Variants in FAM20C observed in about 807,000 individuals in gnomAD.
The protein encoded by FAM20C is FAM20C golgi associated secretory pathway kinase, also known as extracellular serine/threonine protein kinase FAM20C.
FAM20C carries 40 observed loss-of-function variants against 51.5 expected under a neutral mutation model. The observed-to-expected ratio is 0.78, with a 90% CI of 0.60 to 1.01. The LOEUF (loss-of-function observed/expected upper bound fraction) is 1.01, where lower values mean the gene tolerates loss of function less well. Ranked by LOEUF, FAM20C falls within the 50% of genes least tolerant of loss-of-function variation. The pLI, the probability that FAM20C is intolerant of heterozygous loss-of-function variation, is 0.00. For missense variants in FAM20C, 861 were observed against 844.7 expected (o/e 1.02, Z -0.24); for synonymous variants, 406 against 380.6 (o/e 1.07, Z -0.78).
chr7:204,923 G>A (rs1292257832), intron 2 of FAM20C, among the ~76,000 whole-genome samples: 1 of 152,150 alleles, frequency 6.6e-6, no homozygotes, highest in African/African-American at 2.4e-5. Flanking sequence ...TGCTCGGGGA[G>A]GGGACGTGGC....
chr7:193,728 C>T lies in FAM20C; in HGVS notation c.529C>T (p.Leu177Phe), dbSNP rs1361365942. Residue 177 changes from leucine (L) to phenylalanine (F), a missense_variant, in exon 1 of 10, where the codon CTC (leucine) becomes TTC (phenylalanine). Around this residue, in one of 3 missense-constraint regions of FAM20C, gnomAD observed 561 missense variants for 499.8 expected, o/e 1.12. Coordinates refer to ENST00000313766, the MANE Select transcript of FAM20C (RefSeq NM_020223.4). ...HPLYRVAVPP[L>F]TEEDVLFNVN... ...GCTTTACCGGGTGGCGGTTCCGCCG[C>T]TCACGGAGGAGGACGTCCTGTTCAA... 2.6e-6 allele frequency: 4 copies of T among 1,547,520 alleles called. No homozygotes were observed. Among genetic ancestry groups the T allele is most frequent in the East Asian group, 2.5e-5 (1 of 40,780 alleles).
At chr7:214,128 C>G (rs1408337436) in intron 3 of FAM20C, among the ~76,000 whole-genome samples, 1 of 152,124 alleles carries the variant, frequency 6.6e-6, no homozygotes, top group South Asian at 2.1e-4. Context: ...GAGTTCAAGA[C>G]CAGCCTGACC....
intron 3 of FAM20C, among the ~76,000 whole-genome samples, chr7:245,410 G>T (rs1050671630): frequency 6.6e-6 from 1 of 151,624 alleles, no homozygotes; most frequent in Non-Finnish European, 1.5e-5. Flanking sequence ...ATCCTGGGAC[G>T]GGCTCTCCTT....
rs898154806 is a variant in FAM20C at position 260,173 on chromosome 7, T to C, written c.*193T>C. 7 of 801,310 alleles carry C rather than the reference T, an allele frequency of 8.7e-6. No homozygotes were observed. In the Admixed American group the frequency reaches 2.4e-4, roughly 28 times the overall value. 49.6% of individuals were successfully genotyped at this position (801,310 alleles called of 1,614,324 possible). On this transcript the variant is annotated 3_prime_UTR_variant, in exon 10 of 10. Transcript: ENST00000313766. ...TTTGTCAGTGTTTGACCAGAAAAGC[T>C]TGGGAAGGAAGCGCTGTCTGTGCTC...
chr7:256,092 C>A, intron 6 of FAM20C, 63 bp downstream of exon 6: 2 of 1,511,168 alleles, frequency 1.3e-6, no homozygotes, highest in Non-Finnish European at 1.8e-6. Context: ...TGGGCCTGGG[C>A]GGGCATGGGA....
At chr7:252,184 G>A (rs1380573537) in intron 5 of FAM20C, among the ~76,000 whole-genome samples, 4 of 151,894 alleles carry the variant, frequency 2.6e-5, no homozygotes, top group African/African-American at 9.6e-5. Context: ...TCAGAGGGCT[G>A]AGCCCACTGT....
intron 2 of FAM20C, among the ~76,000 whole-genome samples, 180 bp downstream of exon 2, chr7:195,912 C>G (rs937652544): frequency 6.6e-6 from 1 of 152,248 alleles, no homozygotes; most frequent in Non-Finnish European, 1.5e-5. Flanking sequence ...CTCGTGTGCT[C>G]TCACACTGGA....
chr7:228,741 C>T (rs767535098), intron 3 of FAM20C: 3 of 456,296 alleles, frequency 6.6e-6, no homozygotes, highest in Non-Finnish European at 1.3e-5. Context: ...CCCACATCCT[C>T]CACCAAGAGT....
Position 228,114 on chromosome 7 carries a change from C to T in FAM20C, c.864-18301C>T, listed in dbSNP as rs149080902. 404 of 267,922 alleles carry T rather than the reference C, an allele frequency of 1.5e-3. 4 individuals are homozygous for T. The highest frequency in any genetic ancestry group is 8.4e-3 in the African/African-American group (385 of 45,756). The allele number at this position is 267,922 out of a possible 1,614,324, so 16.6% of individuals were successfully genotyped here. ...ACCCGTCAGAGCTGATGGGGGACGG[C>T]GGGCTCAGTCAGGCGCACAGGCCTG... On this transcript the variant is annotated intron_variant, in intron 3 of 9. Transcript: ENST00000313766.
At chr7:251,876 G>A (rs1177596832) in intron 5 of FAM20C, among the ~76,000 whole-genome samples, 1 of 152,162 alleles carries the variant, frequency 6.6e-6, no homozygotes, top group Admixed American at 6.5e-5. Context: ...TCCCTGCCTG[G>A]ACAGACGAGT....
At chr7:205,771 C>A (rs1275577595) in intron 2 of FAM20C, among the ~76,000 whole-genome samples, 2 of 152,100 alleles carry the variant, frequency 1.3e-5, no homozygotes, top group Admixed American at 6.6e-5. Context: ...TCTGCGCCCT[C>A]CCCCGTGCTC....
At chr7:241,604 G>A (rs1198335046) in intron 3 of FAM20C, among the ~76,000 whole-genome samples, 1 of 151,710 alleles carries the variant, frequency 6.6e-6, no homozygotes, top group Non-Finnish European at 1.5e-5. Flanking sequence ...GTGCATATAT[G>A]TCCATGCACA....
At chr7:200,093 T>A (rs1326643526) in intron 2 of FAM20C, among the ~76,000 whole-genome samples, 2 of 152,220 alleles carry the variant, frequency 1.3e-5, no homozygotes, top group African/African-American at 2.4e-5. Flanking sequence ...ACAAAGGGCT[T>A]CCGCTGGGTC....
chr7:214,517 C>T (rs1199912184), intron 3 of FAM20C, among the ~76,000 whole-genome samples: 1 of 152,214 alleles, frequency 6.6e-6, no homozygotes. Flanking sequence ...GCGGTACCTG[C>T]ACTTGGCACG....
intron 3 of FAM20C, among the ~76,000 whole-genome samples, chr7:244,640 G>A (rs1324971659): frequency 5.9e-5 from 9 of 152,182 alleles, no homozygotes; most frequent in Non-Finnish European, 2.9e-5. Context: ...CTTTGCTGCT[G>A]GTTTCAGAAG....
At chr7:242,587 G>T (rs1284921993) in intron 3 of FAM20C, among the ~76,000 whole-genome samples, 1 of 152,120 alleles carries the variant, frequency 6.6e-6, no homozygotes, top group Non-Finnish European at 1.5e-5. Context: ...GGAGCGGGAT[G>T]GACAGTGGGC....
chr7:234,247 G>A (rs1378103626), intron 3 of FAM20C, among the ~76,000 whole-genome samples: 2 of 152,236 alleles, frequency 1.3e-5, no homozygotes, highest in African/African-American at 2.4e-5. Context: ...TCAGTGGGAC[G>A]CTGACCTCAG....
intron 4 of FAM20C, 82 bp downstream of exon 4, chr7:246,589 A>AGT: frequency 1.4e-5 from 8 of 565,992 alleles, no homozygotes; most frequent in Non-Finnish European, 1.8e-5. Context: ...CACTGGACAC[A>AGT]GCAGGACGTC....
chr7:195,522 A>T (rs749538255), intron 1 of FAM20C, 32 bp from the exon 2 acceptor site: 1 of 1,492,288 alleles, frequency 6.7e-7, no homozygotes, highest in Non-Finnish European at 9.0e-7. Flanking sequence ...TGTTCTTTCC[A>T]TGCTGATGTT....
Sources: gnomAD v4.1 joint callset for allele counts (sites outside exome capture counted in the v4.1 genomes callset) on GRCh38, gnomAD v4.1.1 for gene constraint, gnomAD v4.1.1 regional missense constraint, MANE v1.5 for transcripts, NCBI Gene and HGNC (gene_info 2026-07-23, HGNC 2026-07-21) for gene names.